The following IPPK variants were observed in gnomAD, a reference collection of about 807,000 sequenced individuals.
IPPK encodes inositol-pentakisphosphate 2-kinase.
IPPK carries 22 observed loss-of-function variants against 64.6 expected under a neutral mutation model. That is an observed-to-expected ratio of 0.34 (90% CI 0.24 to 0.49). The LOEUF is 0.49. Ranked by LOEUF, IPPK falls within the 20% of genes least tolerant of loss-of-function variation. The pLI, the probability that IPPK is intolerant of heterozygous loss-of-function variation, is 0.99. For missense variants in IPPK, 532 were observed against 630.7 expected (o/e 0.84, Z 1.68); for synonymous variants, 262 against 247.2 (o/e 1.06, Z -0.56).
At chr9:92,622,969 T>G (rs1851669876) in intron 11 of IPPK, among the ~76,000 whole-genome samples, 1 of 152,122 alleles carries the variant, frequency 6.6e-6, no homozygotes, top group Non-Finnish European at 1.5e-5. Context: ...AAAAATCAGT[T>G]TCAGACAGTC....
chr9:92,638,302 A>C, intron 8 of IPPK, 22 bp from the exon 9 acceptor site: 1 of 1,604,320 alleles, frequency 6.2e-7, no homozygotes, highest in Non-Finnish European at 8.5e-7. Flanking sequence ...GAAAAGAAAG[A>C]GGGAAACGTC....
rs77532160 is a variant in IPPK at position 92,654,720 on chromosome 9, C to T, written c.225+1736G>A. Reference sequence around the variant, plus strand: ...TGGAATCCCACAGAGCTCCCTGTAACCTGGGAGCTGAGATGTGGGAGGACC... The same window carrying T: ...TGGAATCCCACAGAGCTCCCTGTAATCTGGGAGCTGAGATGTGGGAGGACC... On this transcript the variant is annotated intron_variant, in intron 3 of 12. Transcript: ENST00000287996. Among the ~76,000 whole-genome samples, 843 of 152,276 alleles carry T rather than the reference C, an allele frequency of 5.5e-3. 49 individuals carry two copies. The East Asian group carries it at 0.093, about 17-fold the overall frequency.
chr9:92,638,172 T>C lies in IPPK; in HGVS notation c.745A>G (p.Ser249Gly). The change falls in exon 9 of 13, where the codon AGT becomes GGT. Residue 249 changes from serine (S) to glycine (G), a missense_variant. Physicochemically the swap from Ser to Gly is moderately conservative, Grantham distance 56 (BLOSUM62 0). Transcript: ENST00000287996. ...ACAGCCCTTGTGCAGTGGGGCCCAC[T>C]GGCCAGGCCGTTGGAAGGGAAGAAG... Reference protein sequence around the residue: ...PFFFPSNGLASGPHCTRAVIR... With the variant: ...PFFFPSNGLAGGPHCTRAVIR... 3.1e-6 allele frequency: 5 copies of C among 1,614,216 alleles called. No individual in the cohort carries two copies. The highest frequency in any genetic ancestry group is 4.2e-6 in the Non-Finnish European group (5 of 1,180,036).
chr9:92,662,008 A>G (rs372152677), intron 1 of IPPK, among the ~76,000 whole-genome samples: 60 of 152,310 alleles, frequency 3.9e-4, no homozygotes, highest in African/African-American at 1.4e-3. Context: ...AATGAGTCCA[A>G]GGGGCACCCA....
chr9:92,614,693 C>A lies in IPPK; in HGVS notation c.*1139G>T, dbSNP rs897179643. 2.0e-5 allele frequency: 3 copies of A among 152,612 alleles called. No homozygotes were observed. Among genetic ancestry groups the A allele is most frequent in the African/African-American group, 7.2e-5 (3 of 41,430 alleles). The allele number at this position is 152,612 out of a possible 1,614,324, so 9.5% of individuals were successfully genotyped here. ...ATGGTTTCACTAATATTATATGTTA[C>A]AATAAGCCTCCATTAGTCCCTCAAA... On this transcript the variant is annotated 3_prime_UTR_variant, in exon 13 of 13. Coordinates refer to ENST00000287996, the MANE Select transcript of IPPK (RefSeq NM_022755.6).
In IPPK at chr9:92,640,766, G is replaced by A. The variant is rs1185008644; in HGVS notation, c.580C>T (p.His194Tyr). Residue 194 changes from histidine (H) to tyrosine (Y), a missense_variant, in exon 8 of 13, where the codon CAC (histidine) becomes TAC (tyrosine). Transcript: ENST00000287996. ...TGCAGCAAACTCTTCAAGGCAAAGTGCATTCTCTGTTTGTTTCTAAAAGGG... is the reference window on the plus strand; with the variant it reads ...TGCAGCAAACTCTTCAAGGCAAAGTACATTCTCTGTTTGTTTCTAAAAGGG... Reference protein sequence around the residue: ...DLYSGNKQRMHFALKSLLQEA... With the variant: ...DLYSGNKQRMYFALKSLLQEA... 6.2e-7 allele frequency: 1 copy of A among 1,611,738 alleles called. No homozygotes were observed. The highest frequency in any genetic ancestry group is 8.5e-7 in the Non-Finnish European group (1 of 1,177,938).
At chr9:92,634,640 T>C in intron 10 of IPPK, 152 bp from the exon 11 acceptor site, 1 of 632,028 alleles carries the variant, frequency 1.6e-6, no homozygotes. Context: ...ATGTTAAACA[T>C]CAAGGTTTTT....
At chr9:92,630,351 T>C (rs997487126) in intron 11 of IPPK, among the ~76,000 whole-genome samples, 3 of 152,150 alleles carry the variant, frequency 2.0e-5, no homozygotes, top group Non-Finnish European at 4.4e-5. Context: ...CGATAGAAAG[T>C]AGACAGGTAG....
chr9:92,665,476 G>A (rs1367100326), intron 1 of IPPK, among the ~76,000 whole-genome samples: 3 of 152,078 alleles, frequency 2.0e-5, no homozygotes, highest in African/African-American at 7.2e-5. Context: ...TCCTTAGAAC[G>A]GACTACTAGA....
intron 3 of IPPK, among the ~76,000 whole-genome samples, chr9:92,655,381 T>C (rs1009740510): frequency 1.3e-5 from 2 of 152,202 alleles, no homozygotes; most frequent in African/African-American, 2.4e-5. Flanking sequence ...AAGCAAGCTC[T>C]GCTTCACTTT....
In IPPK at chr9:92,616,128, CCTTT is replaced by C. The variant is rs1588325846; in HGVS notation, c.1251-75_1251-72del. On this transcript the variant is annotated intron_variant, in intron 12 of 12. Transcript: ENST00000287996. The stretch of plus-strand genomic sequence containing the variant: ...ATTTCCCTCCCTCCCGTTCTCTCTC[CCTTT>C]CTTCTTTCAACTAGTATGTTTTTAT... 16 of 1,040,890 alleles carry C rather than the reference CCTTT, an allele frequency of 1.5e-5. No homozygotes were observed. The East Asian group carries it at 4.1e-4, about 27-fold the overall frequency. The allele number at this position is 1,040,890 out of a possible 1,614,324, so 64.5% of individuals were successfully genotyped here.
Position 92,670,117 on chromosome 9 carries a change from C to T in IPPK, c.-129G>A, listed in dbSNP as rs1317593211. The T allele has an allele frequency of 5.2e-6, 3 of 582,472 alleles. No individual in the cohort carries two copies. Among genetic ancestry groups the T allele is most frequent in the Non-Finnish European group, 8.5e-6 (3 of 353,996 alleles). The allele number at this position is 582,472 out of a possible 1,614,324, so 36.1% of individuals were successfully genotyped here. On this transcript the variant is annotated 5_prime_UTR_variant, in exon 1 of 13. Coordinates refer to ENST00000287996, the MANE Select transcript of IPPK (RefSeq NM_022755.6). ...CTGTCAGCTGCCGCCCCCGCTCGACCCCGCCGCGGCGACTAGCAAGCTGTG... is the reference window on the plus strand; with the variant it reads ...CTGTCAGCTGCCGCCCCCGCTCGACTCCGCCGCGGCGACTAGCAAGCTGTG...
chr9:92,623,545 C>T (rs900960909), intron 11 of IPPK, among the ~76,000 whole-genome samples: 1 of 151,858 alleles, frequency 6.6e-6, no homozygotes, highest in Non-Finnish European at 1.5e-5. Context: ...ACAAAGAATG[C>T]CTTCAAATCA....
chr9:92,618,319 G>A (rs1280580138), intron 12 of IPPK: 2 of 456,518 alleles, frequency 4.4e-6, no homozygotes, highest in Admixed American at 2.4e-5. Context: ...TCCTAGTGTC[G>A]TTTCTGCTGA....
chr9:92,658,372 A>G (rs1231780110), intron 2 of IPPK, among the ~76,000 whole-genome samples: 1 of 152,240 alleles, frequency 6.6e-6, no homozygotes, highest in Non-Finnish European at 1.5e-5. Context: ...CGCCACAAGC[A>G]GGGCCCTCTG....
At chr9:92,626,119 C>T (rs1175027334) in intron 11 of IPPK, among the ~76,000 whole-genome samples, 1 of 152,006 alleles carries the variant, frequency 6.6e-6, no homozygotes, top group East Asian at 1.9e-4. Context: ...GAAATGGGGC[C>T]AGGTGTGGTA....
intron 9 of IPPK, among the ~76,000 whole-genome samples, chr9:92,637,531 G>A (rs540115019): frequency 4.6e-5 from 7 of 152,250 alleles, no homozygotes; most frequent in South Asian, 4.1e-4. Context: ...AAGGCGTCCC[G>A]CAGTCCAAAG....
In IPPK at chr9:92,638,214, G is replaced by A. The variant is rs1217247633; in HGVS notation, c.703C>T (p.His235Tyr). The A allele has an allele frequency of 1.2e-6, 2 of 1,614,244 alleles. No homozygotes were observed. The highest frequency in any genetic ancestry group is 1.7e-6 in the Non-Finnish European group (2 of 1,180,032). ...GGGAAGAAGAACGGCTTCAGGTGGT[G>A]TGCAAGCTCGCTCCAGTCAGCCACG... ...SPVADWSELA[H>Y]HLKPFFFPSN... The change falls in exon 9 of 13, where the codon CAC becomes TAC. Residue 235 changes from histidine (H) to tyrosine (Y), a missense_variant. By Grantham distance (83) the His-to-Tyr change is moderately conservative. Coordinates refer to ENST00000287996, the MANE Select transcript of IPPK (RefSeq NM_022755.6).
intron 9 of IPPK, among the ~76,000 whole-genome samples, 155 bp downstream of exon 9, chr9:92,637,846 G>A (rs1336875368): frequency 1.3e-5 from 2 of 152,226 alleles, no homozygotes; most frequent in Admixed American, 6.5e-5. Context: ...GGGGTGAGAG[G>A]CAGCGAGGCC....
Sources: allele counts gnomAD v4.1 joint callset (sites outside exome capture counted in the v4.1 genomes callset), GRCh38; gene constraint gnomAD v4.1.1; transcripts MANE v1.5; gene names NCBI Gene and HGNC (gene_info 2026-07-23, HGNC 2026-07-21).